Variants in FANCI observed in about 807,000 individuals in gnomAD.
The protein encoded by FANCI is FA complementation group I.
Under a neutral mutation model 176.1 loss-of-function variants are expected in FANCI, and 156 were observed. The observed-to-expected ratio is 0.89, with a 90% CI of 0.78 to 1.01. FANCI has a LOEUF of 1.01. Among genes scored for constraint, FANCI ranks in the 50% least tolerant of loss-of-function variants. The pLI is 0.00. For missense variants in FANCI, 1,678 were observed against 1,534.1 expected (o/e 1.09, Z -1.57); for synonymous variants, 613 against 541.7 (o/e 1.13, Z -1.83).
intron 2 of FANCI, among the ~76,000 whole-genome samples, chr15:89,255,535 T>G (rs931348757): frequency 2.0e-5 from 3 of 152,172 alleles, no homozygotes; most frequent in African/African-American, 7.2e-5. Flanking sequence ...CAGATGGACA[T>G]CATGTGCTTC....
At chr15:89,311,980 ATTAG>A (rs1023872603) in intron 34 of FANCI, among the ~76,000 whole-genome samples, 126 of 152,126 alleles carry the variant, frequency 8.3e-4, no homozygotes, top group African/African-American at 2.9e-3. Flanking sequence ...GGTTCCTTTT[ATTAG>A]TTATTCATCC....
chr15:89,247,926 A>G (rs1384707635), intron 2 of FANCI, among the ~76,000 whole-genome samples, 195 bp downstream of exon 2: 1 of 152,230 alleles, frequency 6.6e-6, no homozygotes, highest in African/African-American at 2.4e-5. Flanking sequence ...AGACTACTTG[A>G]GGGCATTTGT....
chr15:89,302,577 A>ATT (rs540544302), intron 27 of FANCI, among the ~76,000 whole-genome samples: 2 of 144,932 alleles, frequency 1.4e-5, no homozygotes, highest in Non-Finnish European at 1.5e-5. Context: ...TTAAAAAAAA[A>ATT]TTTTTTTTTT....
chr15:89,277,582 A>G (rs970167831), intron 13 of FANCI, among the ~76,000 whole-genome samples: 2 of 149,126 alleles, frequency 1.3e-5, no homozygotes, highest in Non-Finnish European at 3.0e-5. Context: ...ACTGCACTCC[A>G]GCCTGGGTAA....
chr15:89,279,141 T>TTTGTTGTTG lies in FANCI; in HGVS notation c.1381+391_1381+399dup, dbSNP rs140164531. On this transcript the variant is annotated intron_variant, in intron 14 of 37. Coordinates refer to ENST00000310775, the MANE Select transcript of FANCI (RefSeq NM_001113378.2). Reference sequence around the variant, plus strand: ...CTCTGGTAACCTCTGAATTTGCTGTTTTGTTGTTGTTGTTGTTGTTGTTGT... The same window carrying TTTGTTGTTG: ...CTCTGGTAACCTCTGAATTTGCTGTTTTGTTGTTGTTGTTGTTGTTGTTGTTGTTGTTGT... 6.6e-3 allele frequency among the ~76,000 whole-genome samples: 996 copies of TTTGTTGTTG among 151,010 alleles called. 10 individuals are homozygous for TTTGTTGTTG. Among genetic ancestry groups the TTTGTTGTTG allele is most frequent in the African/African-American group, 0.023 (950 of 41,132 alleles).
At chr15:89,294,518 G>A (rs1020849819) in intron 23 of FANCI, among the ~76,000 whole-genome samples, 2 of 152,178 alleles carry the variant, frequency 1.3e-5, no homozygotes, top group African/African-American at 4.8e-5. Context: ...CCAGGAGGCA[G>A]AGGTTGCAGT....
intron 1 of FANCI, among the ~76,000 whole-genome samples, chr15:89,246,576 G>T (rs538568569): frequency 1.3e-5 from 2 of 151,788 alleles, no homozygotes; most frequent in African/African-American, 4.8e-5. Context: ...CTCATTTCCC[G>T]TATGAATGCC....
intron 34 of FANCI, among the ~76,000 whole-genome samples, chr15:89,308,461 G>C (rs1208869387): frequency 4.6e-5 from 7 of 152,238 alleles, no homozygotes; most frequent in African/African-American, 1.7e-4. Context: ...AGGAATCAAA[G>C]AGAATGGGTC....
chr15:89,314,802 C>A, intron 36 of FANCI, 95 bp downstream of exon 36: 1 of 802,756 alleles, frequency 1.2e-6, no homozygotes, highest in African/African-American at 1.7e-5. Flanking sequence ...GGAAAAGAGA[C>A]TCTGGGCCAT....
rs201037656 is a variant in FANCI, at chr15:89,285,146, T to C, written c.1749T>C (p.Phe583=). 350 of 1,614,218 alleles carry C rather than the reference T, an allele frequency of 2.2e-4. No homozygotes were observed. The Middle Eastern group carries it at 7.3e-3, about 33-fold the overall frequency. Residue 583 remains phenylalanine, a synonymous_variant, in exon 18 of 38, where the codon TTT becomes TTC. Coordinates refer to ENST00000310775, the MANE Select transcript of FANCI (RefSeq NM_001113378.2). ...ACAATTCTGTCGCCAATGAAACTTTTTGCCTTGAGATCATGGATAGTTTGA... is the reference window on the plus strand; with the variant it reads ...ACAATTCTGTCGCCAATGAAACTTTCTGCCTTGAGATCATGGATAGTTTGA... The part of the protein sequence containing the change: ...SHYNSVANET[F]CLEIMDSLRR...
chr15:89,295,593 G>A (rs144276873), intron 24 of FANCI, among the ~76,000 whole-genome samples: 2 of 152,118 alleles, frequency 1.3e-5, no homozygotes, highest in Non-Finnish European at 2.9e-5. Context: ...TCGAACCTGG[G>A]AGGCGGAGGT....
chr15:89,303,872 G>T lies in FANCI; in HGVS notation c.3015G>T (p.Gln1005His), dbSNP rs974710501. Residue 1005 changes from glutamine to histidine, a missense_variant, in exon 28 of 38, where the codon CAG becomes CAT. This residue lies in a region of FANCI where 1,204 missense variants were observed against 1,077.4 expected (regional missense o/e 1.12). Transcript: ENST00000310775. ...AATGATCTCTAATTTAGTTTGTGCA[G>T]ATGTTATCCTGGACATCAAAGATTT... ...LLEPSSPQFV[Q>H]MLSWTSKICK... 6.2e-7 allele frequency: 1 copy of T among 1,613,826 alleles called. No homozygotes were observed. The highest frequency in any genetic ancestry group is 1.3e-5 in the African/African-American group (1 of 74,928).
chr15:89,289,029 A>G lies in FANCI; in HGVS notation c.1822-1184A>G, dbSNP rs74717772. ...TTCTTTGAGGTTTTTTTTTTTATGC[A>G]TTTGTTTTTGACGTTTAGCTACTTA... On this transcript the variant is annotated intron_variant, in intron 18 of 37. Transcript: ENST00000310775. Among the ~76,000 whole-genome samples the G allele has an allele frequency of 5.9e-3, 890 of 150,212 alleles. 2 individuals are homozygous for G. The highest frequency in any genetic ancestry group is 0.02 in the African/African-American group (836 of 40,840).
chr15:89,287,600 TAGCTTTTGACTTGCCTC>T (rs1321545707), intron 18 of FANCI, among the ~76,000 whole-genome samples: 1 of 152,254 alleles, frequency 6.6e-6, no homozygotes, highest in Admixed American at 6.5e-5. Flanking sequence ...GCAAGAAGCC[TAGCTTTTGACTTGCCTC>T]AGCTTGTAAC....
At chr15:89,290,153 T>A in intron 18 of FANCI, 60 bp from the exon 19 acceptor site, 1 of 1,290,548 alleles carries the variant, frequency 7.7e-7, no homozygotes, top group Non-Finnish European at 1.1e-6. Context: ...TAAGTTATGA[T>A]TGTCCAGATC....
intron 34 of FANCI, 70 bp downstream of exon 34, chr15:89,307,742 G>A: frequency 6.2e-7 from 1 of 1,613,350 alleles, no homozygotes; most frequent in Non-Finnish European, 8.5e-7. Context: ...GGGGACTATT[G>A]ATCACCTGAA....
At chr15:89,283,327 T>C (rs2053688159) in intron 17 of FANCI, 77 bp downstream of exon 17, 1 of 1,599,250 alleles carries the variant, frequency 6.3e-7, no homozygotes, top group Non-Finnish European at 8.5e-7. Context: ...TGTTTTCTTT[T>C]ATTCCTGTTA....
intron 18 of FANCI, among the ~76,000 whole-genome samples, chr15:89,289,206 GTC>G (rs2053957349): frequency 6.6e-6 from 1 of 151,976 alleles, no homozygotes; most frequent in Non-Finnish European, 1.5e-5. Context: ...AAGACAAAGT[GTC>G]TTTTTATTAT....
intron 16 of FANCI, chr15:89,282,918 T>A (rs2053670327): frequency 3.6e-6 from 2 of 556,570 alleles, no homozygotes; most frequent in African/African-American, 1.9e-5. Flanking sequence ...TAGAGTATCA[T>A]GAGTTAAGTA....
Sources: allele counts gnomAD v4.1 joint callset (sites outside exome capture counted in the v4.1 genomes callset), GRCh38; gene constraint gnomAD v4.1.1; regional missense constraint gnomAD v4.1.1; transcripts MANE v1.5; gene names NCBI Gene and HGNC (gene_info 2026-07-23, HGNC 2026-07-21).